Variants in IPO7 observed in about 807,000 individuals in gnomAD.
IPO7 encodes importin 7.
Under a neutral mutation model 136.4 loss-of-function variants are expected in IPO7, and 13 were observed. The ratio of observed to expected loss-of-function variants is 0.10; its 90% confidence interval spans 0.06 to 0.15. The LOEUF (loss-of-function observed/expected upper bound fraction) is 0.15. Ranked by LOEUF, IPO7 falls within the 10% of genes least tolerant of loss-of-function variation. IPO7 has a pLI of 1.00. For synonymous variants in IPO7, 403 were observed against 404.4 expected, an observed-to-expected ratio of 1.00 and a Z score of 0.04; for missense variants, 857 against 1,240.6, an observed-to-expected ratio of 0.69 and a Z score of 4.65.
intron 2 of IPO7, among the ~76,000 whole-genome samples, chr11:9,406,132 T>TG (rs1554953417): frequency 6.9e-6 from 1 of 145,686 alleles, no homozygotes; most frequent in Non-Finnish European, 1.5e-5. Context: ...TTTTTTTTTT[T>TG]AGTAGAGACG....
chr11:9,400,658 G>A (rs1162120075), intron 1 of IPO7, among the ~76,000 whole-genome samples: 2 of 151,568 alleles, frequency 1.3e-5, no homozygotes, highest in Non-Finnish European at 2.9e-5. Flanking sequence ...TCCTGACCTC[G>A]TGGTCCGCCC....
chr11:9,398,330 C>T (rs1215443580), intron 1 of IPO7, among the ~76,000 whole-genome samples: 1 of 152,164 alleles, frequency 6.6e-6, no homozygotes, highest in East Asian at 1.9e-4. Context: ...TAAGACCCAT[C>T]TACAAATATA....
intron 1 of IPO7, among the ~76,000 whole-genome samples, chr11:9,401,181 CAA>C (rs1174359208): frequency 7.5e-5 from 9 of 119,564 alleles, no homozygotes; most frequent in African/African-American, 1.2e-4. Flanking sequence ...AATTCTGTCT[CAA>C]AAAAAAAAAA....
chr11:9,427,789 A>G (rs1366099788), intron 12 of IPO7, among the ~76,000 whole-genome samples: 3 of 152,208 alleles, frequency 2.0e-5, no homozygotes, highest in African/African-American at 7.2e-5. Flanking sequence ...TGCTACTATC[A>G]ACTAATCCAT....
At chr11:9,424,561 T>C (rs1298762559) in intron 10 of IPO7, among the ~76,000 whole-genome samples, 2 of 152,090 alleles carry the variant, frequency 1.3e-5, no homozygotes, top group Admixed American at 6.5e-5. Flanking sequence ...CTGACCAATA[T>C]AGTGAAACCC....
In IPO7 at chr11:9,408,508, G is replaced by A. The variant is rs375588505; in HGVS notation, c.189G>A (p.Met63Ile). ...RQAGVIYLKN[M>I]ITQYWPDRET... ...TAGGTGTTATCTATCTGAAAAATAT[G>A]ATAACACAGTATTGGCCTGATCGAG... The change falls in exon 3 of 25, where the codon ATG (methionine) becomes ATA (isoleucine). Residue 63 changes from methionine to isoleucine, a missense_variant. By Grantham distance (10) the Met-to-Ile change is conservative. This residue lies in a region of IPO7 where 287 missense variants were observed against 307.5 expected (regional missense o/e 0.93). Coordinates refer to ENST00000379719, the MANE Select transcript of IPO7 (RefSeq NM_006391.3). The A allele has an allele frequency of 5.5e-5, 86 of 1,573,386 alleles. No individual in the cohort carries two copies. Among genetic ancestry groups the A allele is most frequent in the Non-Finnish European group, 7.2e-5 (84 of 1,164,626 alleles).
chr11:9,409,382 T>C (rs567778031), intron 3 of IPO7, among the ~76,000 whole-genome samples: 1 of 152,298 alleles, frequency 6.6e-6, no homozygotes, highest in African/African-American at 2.4e-5. Flanking sequence ...GTACTGTGAT[T>C]ACAGGTGTGA....
At chr11:9,390,941 TG>T in intron 1 of IPO7, among the ~76,000 whole-genome samples, 1 of 152,206 alleles carries the variant, frequency 6.6e-6, no homozygotes, top group South Asian at 2.1e-4. Flanking sequence ...GGCTAATTTT[TG>T]TATTTTTGGT....
chr11:9,428,289 C>T lies in IPO7; in HGVS notation c.1336-251C>T, dbSNP rs192525762. ...TAAAATTAACCAAACTTACATCATT[C>T]GAACACTATTGCTGGTAAGATTTGG... On this transcript the variant is annotated intron_variant, in intron 12 of 24. Transcript: ENST00000379719. Among the ~76,000 whole-genome samples the T allele has an allele frequency of 1.8e-4, 27 of 152,244 alleles. 1 individual carries two copies. Among genetic ancestry groups the T allele is most frequent in the African/African-American group, 5.8e-4 (24 of 41,538 alleles).
At chr11:9,389,749 A>G (rs548468069) in intron 1 of IPO7, among the ~76,000 whole-genome samples, 11 of 152,012 alleles carry the variant, frequency 7.2e-5, no homozygotes, top group African/African-American at 2.4e-4. Context: ...TATAATGGTT[A>G]TATATGTATA....
At chr11:9,440,713 G>C (rs370405180) in intron 23 of IPO7, 52 bp downstream of exon 23, 1 of 1,343,966 alleles carries the variant, frequency 7.4e-7, no homozygotes, top group African/African-American at 1.4e-5. Flanking sequence ...ATCTGTTGTA[G>C]TTTCTGCCTG....
chr11:9,433,134 G>A (rs866874074), intron 16 of IPO7: 97 of 156,380 alleles, frequency 6.2e-4, no homozygotes, highest in Middle Eastern at 6.6e-3. Flanking sequence ...ACAGGCACCC[G>A]CCACCATGCC....
chr11:9,429,497 C>A (rs977347821), intron 14 of IPO7, among the ~76,000 whole-genome samples, 177 bp from the exon 15 acceptor site: 9 of 151,896 alleles, frequency 5.9e-5, no homozygotes, highest in Non-Finnish European at 1.2e-4. Context: ...GATCAAAACC[C>A]TGCCTCTTAT....
chr11:9,422,920 AAT>A, intron 8 of IPO7, 84 bp from the exon 9 acceptor site: 3 of 699,682 alleles, frequency 4.3e-6, no homozygotes, highest in Admixed American at 2.7e-5. Context: ...TTGTCATTAA[AAT>A]ATGTGTTAAC....
chr11:9,398,728 G>A (rs1157673926), intron 1 of IPO7, among the ~76,000 whole-genome samples: 3 of 151,950 alleles, frequency 2.0e-5, no homozygotes, highest in Non-Finnish European at 4.4e-5. Context: ...TCATTTCTTT[G>A]GGCTAGGAAC....
intron 2 of IPO7, among the ~76,000 whole-genome samples, chr11:9,405,155 A>G (rs988315833): frequency 9.2e-5 from 14 of 152,100 alleles, no homozygotes; most frequent in African/African-American, 3.4e-4. Flanking sequence ...CCAGGCTAGA[A>G]TTCAGTAGCT....
chr11:9,390,777 A>AT (rs1375095057), intron 1 of IPO7, among the ~76,000 whole-genome samples: 112 of 5,942 alleles, frequency 0.019, no homozygotes, highest in African/African-American at 0.051. Context: ...TACAAAAAAA[A>AT]TTTTTTTTTT....
At chr11:9,390,707 G>C (rs1014404952) in intron 1 of IPO7, among the ~76,000 whole-genome samples, 2 of 152,022 alleles carry the variant, frequency 1.3e-5, no homozygotes, top group African/African-American at 4.8e-5. Context: ...CCAGCACTTT[G>C]GGAGGTAAAA....
At chr11:9,403,408 A>C in intron 2 of IPO7, 37 bp downstream of exon 2, 2 of 1,460,664 alleles carry the variant, frequency 1.4e-6, no homozygotes, top group Non-Finnish European at 1.9e-6. Context: ...TATGTAATCT[A>C]TTGTTTAAAA....
Sources: allele counts gnomAD v4.1 joint callset (sites outside exome capture counted in the v4.1 genomes callset), GRCh38; gene constraint gnomAD v4.1.1; regional missense constraint gnomAD v4.1.1; transcripts MANE v1.5; gene names NCBI Gene and HGNC (gene_info 2026-07-23, HGNC 2026-07-21).